ADAMTS6: variants seen among roughly 807,000 people sequenced by gnomAD.
ADAMTS6 encodes the protein A disintegrin and metalloproteinase with thrombospondin motifs 6.
Under a neutral mutation model 144.3 loss-of-function variants are expected in ADAMTS6, and 23 were observed. The observed-to-expected ratio is 0.16, with a 90% CI of 0.11 to 0.23. The LOEUF (loss-of-function observed/expected upper bound fraction) is 0.23. Among genes scored for constraint, ADAMTS6 ranks in the 10% least tolerant of loss-of-function variants. The pLI is 1.00. For missense variants in ADAMTS6, 999 were observed against 1,379.6 expected (o/e 0.72, Z 4.37); for synonymous variants, 444 against 457.5 (o/e 0.97, Z 0.38).
At chr5:65,374,811 A>C (rs933429076) in intron 7 of ADAMTS6, among the ~76,000 whole-genome samples, 3 of 152,194 alleles carry the variant, frequency 2.0e-5, no homozygotes, top group Non-Finnish European at 4.4e-5. Context: ...TGTCAATCCT[A>C]AGCCAAAAGA....
intron 7 of ADAMTS6, among the ~76,000 whole-genome samples, chr5:65,402,149 C>T (rs1349486518): frequency 6.6e-6 from 1 of 152,142 alleles, no homozygotes; most frequent in African/African-American, 2.4e-5. Context: ...CTGTTCCTCA[C>T]CGTCTTCACA....
chr5:65,186,965 G>C (rs1169742301), intron 22 of ADAMTS6, among the ~76,000 whole-genome samples: 1 of 152,140 alleles, frequency 6.6e-6, no homozygotes, highest in Non-Finnish European at 1.5e-5. Context: ...ATTCACAGGG[G>C]AATAGTAACA....
chr5:65,480,247 G>T (rs933870802), intron 1 of ADAMTS6, among the ~76,000 whole-genome samples: 1 of 152,132 alleles, frequency 6.6e-6, no homozygotes, highest in South Asian at 2.1e-4. Context: ...ACACTCAAGT[G>T]TCTCTTTTAA....
At chr5:65,157,544 A>C (rs920162148) in intron 24 of ADAMTS6, among the ~76,000 whole-genome samples, 9 of 152,230 alleles carry the variant, frequency 5.9e-5, no homozygotes, top group Non-Finnish European at 8.8e-5. Context: ...TGGAGAATGC[A>C]TGCCCTCTGT....
chr5:65,413,915 A>T (rs1027748923), intron 7 of ADAMTS6, among the ~76,000 whole-genome samples: 1 of 152,142 alleles, frequency 6.6e-6, no homozygotes, highest in African/African-American at 2.4e-5. Flanking sequence ...GATGGGGTTC[A>T]GGACACATTG....
chr5:65,296,827 T>G (rs1448509415), intron 10 of ADAMTS6, among the ~76,000 whole-genome samples: 3 of 152,232 alleles, frequency 2.0e-5, no homozygotes, highest in African/African-American at 7.2e-5. Context: ...TATGGATCTT[T>G]GACAGTTCAA....
chr5:65,304,188 C>T (rs753844193), intron 9 of ADAMTS6, among the ~76,000 whole-genome samples: 1 of 152,158 alleles, frequency 6.6e-6, no homozygotes, highest in Admixed American at 6.5e-5. Context: ...CTGTAATCTA[C>T]ATTTCAAACA....
chr5:65,433,933 C>T (rs1163711586), intron 7 of ADAMTS6, among the ~76,000 whole-genome samples: 3 of 152,166 alleles, frequency 2.0e-5, no homozygotes, highest in Admixed American at 2.0e-4. Flanking sequence ...TGAAAACACA[C>T]ATCCACACAA....
intron 1 of ADAMTS6, among the ~76,000 whole-genome samples, chr5:65,477,430 G>A (rs1760915138): frequency 6.6e-6 from 1 of 152,094 alleles, no homozygotes; most frequent in Non-Finnish European, 1.5e-5. Context: ...ATAGTTGACT[G>A]GATTTAGGGA....
chr5:65,463,566 T>C (rs1236692559), intron 3 of ADAMTS6, among the ~76,000 whole-genome samples: 2 of 152,208 alleles, frequency 1.3e-5, no homozygotes, highest in Non-Finnish European at 2.9e-5. Context: ...TCAGGACTAT[T>C]AGGGCTAATT....
chr5:65,479,764 T>C (rs897234461), intron 1 of ADAMTS6, among the ~76,000 whole-genome samples: 1 of 152,212 alleles, frequency 6.6e-6, no homozygotes, highest in Non-Finnish European at 1.5e-5. Context: ...TAGGAATTAA[T>C]CTTACAGGTA....
chr5:65,314,002 T>C (rs1210678433), intron 9 of ADAMTS6, among the ~76,000 whole-genome samples: 1 of 151,960 alleles, frequency 6.6e-6, no homozygotes, highest in African/African-American at 2.4e-5. Context: ...TACTGAAACA[T>C]GGGCAAAAAA....
intron 3 of ADAMTS6, among the ~76,000 whole-genome samples, chr5:65,460,592 C>CCCTCA (rs1372404704): frequency 7.2e-5 from 11 of 152,216 alleles, no homozygotes; most frequent in African/African-American, 2.4e-4. Context: ...TTCCTCCAAT[C>CCCTCA]TCACAACGAC....
intron 1 of ADAMTS6, among the ~76,000 whole-genome samples, chr5:65,479,499 C>T (rs961460228): frequency 2.6e-5 from 4 of 152,116 alleles, no homozygotes; most frequent in Admixed American, 2.6e-4. Context: ...AATTTTTTCT[C>T]TTGAGCTTAG....
At position 65,275,408 on chromosome 5, in the gene ADAMTS6, AAAG is replaced by A. The variant is rs1315798804; in HGVS notation, c.1513-1964_1513-1962del. On this transcript the variant is annotated intron_variant, in intron 11 of 24. Coordinates refer to ENST00000381055, the MANE Select transcript of ADAMTS6 (RefSeq NM_197941.4). ...GAAAGAAAGAAAGAAAGAAAGAAAGAAAGAAAGAAAAGAAAGAAAGAAAGAAAA... is the reference window on the plus strand; with the variant it reads ...GAAAGAAAGAAAGAAAGAAAGAAAGAAAAGAAAAGAAAGAAAGAAAGAAAA... Among the ~76,000 whole-genome samples, 578 of 136,566 alleles carry A rather than the reference AAAG, an allele frequency of 4.2e-3. 7 individuals carry two copies. Among genetic ancestry groups the A allele is most frequent in the African/African-American group, 0.015 (532 of 34,948 alleles). The allele number at this position is 136,566 out of a possible 152,430, so 89.6% of individuals were successfully genotyped here. A position where few individuals can be genotyped will look rare whatever the true frequency, so the allele number is the denominator to read the frequency against.
intron 9 of ADAMTS6, among the ~76,000 whole-genome samples, chr5:65,318,677 CA>C (rs1460654538): frequency 6.7e-6 from 1 of 150,340 alleles, no homozygotes; most frequent in Non-Finnish European, 1.5e-5. Context: ...AGCTAAAAAT[CA>C]AAACAATTGA....
intron 7 of ADAMTS6, among the ~76,000 whole-genome samples, chr5:65,400,743 T>A (rs1753850505): frequency 6.6e-6 from 1 of 152,182 alleles, no homozygotes; most frequent in Admixed American, 6.5e-5. Flanking sequence ...TCTTTTTCAG[T>A]CTTTGTTCTC....
At chr5:65,341,259 A>G (rs933347114) in intron 7 of ADAMTS6, among the ~76,000 whole-genome samples, 2 of 152,072 alleles carry the variant, frequency 1.3e-5, no homozygotes, top group African/African-American at 4.8e-5. Flanking sequence ...AAAAACTAAA[A>G]TGATTTCAAA....
chr5:65,456,869 G>A (rs780096181), intron 4 of ADAMTS6, among the ~76,000 whole-genome samples: 18 of 151,950 alleles, frequency 1.2e-4, no homozygotes, highest in Non-Finnish European at 2.2e-4. Context: ...TTAAAAATTC[G>A]TAGTTTGAAT....
Sources: allele counts gnomAD v4.1 joint callset (sites outside exome capture counted in the v4.1 genomes callset), GRCh38; gene constraint gnomAD v4.1.1; transcripts MANE v1.5; gene names NCBI Gene and HGNC (gene_info 2026-07-23, HGNC 2026-07-21).